The following SLC44A5 variants were observed in gnomAD, a reference collection of about 807,000 sequenced individuals.
The protein encoded by SLC44A5 is choline transporter-like protein 5.
In SLC44A5, 57 loss-of-function variants were observed where a neutral mutation model predicts 101.8. The ratio of observed to expected loss-of-function variants is 0.56; its 90% CI spans 0.45 to 0.70. The LOEUF (loss-of-function observed/expected upper bound fraction) is 0.70, where lower values mean the gene tolerates loss of function less well. Among genes scored for constraint, SLC44A5 ranks in the 30% least tolerant of loss-of-function variants. The pLI is 0.00. For synonymous variants in SLC44A5, 281 were observed against 290.9 expected (o/e 0.97, Z 0.35); for missense variants, 737 against 853.1 (o/e 0.86, Z 1.70).
chr1:75,245,300 C>T (rs946271960), intron 7 of SLC44A5, among the ~76,000 whole-genome samples: 1 of 152,056 alleles, frequency 6.6e-6, no homozygotes, highest in African/African-American at 2.4e-5. Context: ...TTAGTGGCTT[C>T]ATAGGTATCT....
At chr1:75,476,546 C>A (rs1035619715) in intron 2 of SLC44A5, among the ~76,000 whole-genome samples, 5 of 152,228 alleles carry the variant, frequency 3.3e-5, no homozygotes, top group Admixed American at 1.3e-4. Context: ...TCACTCCCAC[C>A]TGAATACTGC....
intron 5 of SLC44A5, among the ~76,000 whole-genome samples, chr1:75,283,799 T>C (rs1374825596): frequency 2.6e-5 from 4 of 152,182 alleles, no homozygotes; most frequent in Non-Finnish European, 4.4e-5. Flanking sequence ...GAAGATCAGT[T>C]GGCTGTAAGT....
At chr1:75,330,158 C>CAT (rs1311077252) in intron 4 of SLC44A5, among the ~76,000 whole-genome samples, 1 of 123,808 alleles carries the variant, frequency 8.1e-6, no homozygotes, top group African/African-American at 3.6e-5. Context: ...TACGTATATG[C>CAT]ATATATATAC....
At chr1:75,697,552 C>T in the SLC44A5 span, among the ~76,000 whole-genome samples, 2 of 152,086 alleles carry the variant, frequency 1.3e-5, no homozygotes, top group Non-Finnish European at 2.9e-5. Flanking sequence ...TTTGGGAAGC[C>T]GGGGCTGGTG....
the SLC44A5 span, among the ~76,000 whole-genome samples, chr1:75,652,372 T>G: frequency 6.6e-6 from 1 of 152,208 alleles, no homozygotes; most frequent in Non-Finnish European, 1.5e-5. Context: ...CTTGCCTCAG[T>G]CTCTCACTCT....
At chr1:75,402,191 G>T (rs925330248) in intron 2 of SLC44A5, among the ~76,000 whole-genome samples, 2 of 152,140 alleles carry the variant, frequency 1.3e-5, no homozygotes, top group Non-Finnish European at 2.9e-5. Flanking sequence ...ACACATTTTG[G>T]ACAAATGAGA....
At chr1:75,683,523 G>T in the SLC44A5 span, among the ~76,000 whole-genome samples, 1 of 151,848 alleles carries the variant, frequency 6.6e-6, no homozygotes. Flanking sequence ...ACCAAACACC[G>T]CATATTCTCA....
chr1:75,453,506 C>A (rs1666016940), intron 2 of SLC44A5, among the ~76,000 whole-genome samples: 1 of 151,954 alleles, frequency 6.6e-6, no homozygotes, highest in South Asian at 2.1e-4. Context: ...TAACCCCAAA[C>A]CTAACGGAAG....
intron 2 of SLC44A5, among the ~76,000 whole-genome samples, chr1:75,540,395 A>G (rs893795016): frequency 1.3e-5 from 2 of 152,202 alleles, no homozygotes; most frequent in Non-Finnish European, 2.9e-5. Flanking sequence ...TTAATAAACA[A>G]GAAGCAATCC....
intron 4 of SLC44A5, among the ~76,000 whole-genome samples, chr1:75,314,108 A>C (rs907785055): frequency 2.6e-5 from 4 of 152,216 alleles, no homozygotes; most frequent in Non-Finnish European, 5.9e-5. Context: ...ACAGTCAGAT[A>C]CACTAGAGAA....
chr1:75,597,819 AC>A (rs2102135823), intron 1 of SLC44A5, among the ~76,000 whole-genome samples: 1 of 152,304 alleles, frequency 6.6e-6, no homozygotes, highest in African/African-American at 2.4e-5. Context: ...TAAATATAAA[AC>A]CTAAAAGTAT....
At chr1:75,482,573 C>T (rs2101782380) in intron 2 of SLC44A5, among the ~76,000 whole-genome samples, 1 of 152,216 alleles carries the variant, frequency 6.6e-6, no homozygotes, top group South Asian at 2.1e-4. Context: ...GTTTCAGTTT[C>T]CTTGTCTGAA....
At chr1:75,681,559 T>C in the SLC44A5 span, among the ~76,000 whole-genome samples, 3 of 151,056 alleles carry the variant, frequency 2.0e-5, no homozygotes, top group South Asian at 4.2e-4. Context: ...ATTCAACAAC[T>C]CTTCATGCTA....
intron 2 of SLC44A5, among the ~76,000 whole-genome samples, chr1:75,406,437 A>G (rs1205113036): frequency 6.6e-6 from 1 of 152,190 alleles, no homozygotes. Context: ...CAGTATCCTG[A>G]TGAACATCGA....
At chr1:75,456,488 C>T (rs1277957682) in intron 2 of SLC44A5, among the ~76,000 whole-genome samples, 2 of 152,104 alleles carry the variant, frequency 1.3e-5, no homozygotes, top group African/African-American at 2.4e-5. Context: ...ACTTGTAGAC[C>T]CTGAATCAAA....
At chr1:75,642,071 C>T in the SLC44A5 span, 3 of 1,278,312 alleles carry the variant, frequency 2.3e-6, no homozygotes, top group Admixed American at 2.1e-5. Flanking sequence ...AATGAAGAAT[C>T]TGGGGGCTTC....
intron 2 of SLC44A5, among the ~76,000 whole-genome samples, chr1:75,423,150 C>A (rs1045265067): frequency 6.6e-6 from 1 of 152,154 alleles, no homozygotes; most frequent in South Asian, 2.1e-4. Context: ...TGAAAAAGAA[C>A]AGAAAGCTAT....
chr1:75,516,542 A>T (rs1669849507), intron 2 of SLC44A5, among the ~76,000 whole-genome samples: 1 of 152,160 alleles, frequency 6.6e-6, no homozygotes. Context: ...AAATAAAAAA[A>T]ATAAGCTACA....
the SLC44A5 span, among the ~76,000 whole-genome samples, chr1:75,647,200 C>A: frequency 6.6e-6 from 1 of 152,304 alleles, no homozygotes; most frequent in African/African-American, 2.4e-5. Context: ...AACATATAGC[C>A]CAGGCCATTG....
Sources: allele counts gnomAD v4.1 joint callset (sites outside exome capture counted in the v4.1 genomes callset), GRCh38; gene constraint gnomAD v4.1.1; transcripts MANE v1.5; gene names NCBI Gene and HGNC (gene_info 2026-07-23, HGNC 2026-07-21).